The following PPP4R2 variants were observed in gnomAD, a reference collection of about 807,000 sequenced individuals.
PPP4R2 encodes serine/threonine-protein phosphatase 4 regulatory subunit 2.
Under a neutral mutation model 47.2 loss-of-function variants are expected in PPP4R2, and 13 were observed. The ratio of observed to expected loss-of-function variants is 0.28; its 90% confidence interval spans 0.18 to 0.44. PPP4R2 has a LOEUF of 0.44. Ranked by LOEUF, PPP4R2 falls within the 20% of genes least tolerant of loss-of-function variation. The pLI, the probability that PPP4R2 is intolerant of heterozygous loss-of-function variation, is 1.00. For synonymous variants in PPP4R2, 151 were observed against 163.3 expected (o/e 0.92, Z 0.57); for missense variants, 421 against 491.2 (o/e 0.86, Z 1.35).
intron 5 of PPP4R2, chr3:73,062,836 T>G: frequency 6.2e-7 from 1 of 1,613,882 alleles, no homozygotes; most frequent in Non-Finnish European, 8.5e-7. Flanking sequence ...GTTGGAGAAT[T>G]AATGTTCACA....
At chr3:73,016,920 G>A (rs545057203) in intron 2 of PPP4R2, among the ~76,000 whole-genome samples, 3 of 148,952 alleles carry the variant, frequency 2.0e-5, no homozygotes, top group African/African-American at 5.0e-5. Context: ...TCCACCTCCC[G>A]GGTTCAAGAG....
At chr3:73,020,087 G>C (rs957874113) in intron 2 of PPP4R2, among the ~76,000 whole-genome samples, 6 of 152,184 alleles carry the variant, frequency 3.9e-5, no homozygotes. Flanking sequence ...CATTGACTTG[G>C]TGACTTAATA....
chr3:73,034,587 C>A (rs995881735), intron 2 of PPP4R2, among the ~76,000 whole-genome samples: 2 of 152,148 alleles, frequency 1.3e-5, no homozygotes, highest in Non-Finnish European at 2.9e-5. Flanking sequence ...GGCTGCAGTG[C>A]AGTGGCACAG....
chr3:73,002,982 C>G (rs908480820), intron 2 of PPP4R2, among the ~76,000 whole-genome samples: 16 of 152,114 alleles, frequency 1.1e-4, no homozygotes, highest in East Asian at 3.9e-4. Flanking sequence ...AATCCTGGTT[C>G]TCTCAAGAAC....
chr3:72,996,908 C>T lies in PPP4R2; in HGVS notation c.-130C>T, dbSNP rs764621405. The stretch of plus-strand genomic sequence containing the variant: ...GCTTCCCCCGGCTCCCTTCGTTTCC[C>T]CCCCCCGGTCGCCTGCGTGCCGGAG... On this transcript the variant is annotated 5_prime_UTR_variant, in exon 1 of 9. Coordinates refer to ENST00000356692, the MANE Select transcript of PPP4R2 (RefSeq NM_174907.4). 11 of 566,232 alleles carry T rather than the reference C, an allele frequency of 1.9e-5. No individual in the cohort carries two copies. Among genetic ancestry groups the T allele is most frequent in the South Asian group, 7.0e-5 (1 of 14,190 alleles). The allele number at this position is 566,232 out of a possible 1,614,324, so 35.1% of individuals were successfully genotyped here. A position where few individuals can be genotyped will look rare whatever the true frequency, so the allele number is the denominator to read the frequency against.
intron 2 of PPP4R2, among the ~76,000 whole-genome samples, chr3:73,023,042 C>G (rs928090443): frequency 1.3e-5 from 2 of 152,020 alleles, no homozygotes; most frequent in African/African-American, 4.8e-5. Flanking sequence ...AAGTTCAGAT[C>G]ATTATGAGGA....
At chr3:73,060,855 T>C (rs1702843643) in intron 4 of PPP4R2, among the ~76,000 whole-genome samples, 168 bp from the exon 5 acceptor site, 1 of 152,152 alleles carries the variant, frequency 6.6e-6, no homozygotes, top group South Asian at 2.1e-4. Context: ...TGTTATTGTT[T>C]TAGTTTTTGC....
chr3:73,062,255 C>T, intron 5 of PPP4R2: 1 of 1,600,132 alleles, frequency 6.2e-7, no homozygotes, highest in Non-Finnish European at 8.5e-7. Context: ...CACAGCCCAG[C>T]AGCCCAGGAG....
chr3:73,049,175 G>A (rs11707894), intron 3 of PPP4R2, among the ~76,000 whole-genome samples: 80,166 of 152,048 alleles, frequency 0.53, 21,493 homozygotes, highest in African/African-American at 0.62. Context: ...AAGATTTACT[G>A]TTGAACTAAA....
rs369720892 is a variant in PPP4R2, at chr3:73,047,363, A to G, written c.287+7A>G. On this transcript the variant is annotated splice_region_variant and intron_variant, in intron 3 of 8. Coordinates refer to ENST00000356692, the MANE Select transcript of PPP4R2 (RefSeq NM_174907.4). The stretch of plus-strand genomic sequence containing the variant: ...TTGTCACTGGATTTAATGGGTATGC[A>G]CTTAATACTGTTTTAAAGATTTAAT... 9 of 1,545,490 alleles carry G rather than the reference A, an allele frequency of 5.8e-6. No individual in the cohort carries two copies. In the African/African-American group the frequency reaches 6.9e-5, roughly 12 times the overall value.
In PPP4R2 at chr3:73,065,019, C is replaced by G; in HGVS notation, c.806C>G (p.Ser269Cys). Residue 269 changes from serine (S) to cysteine (C), a missense_variant, in exon 8 of 9, where the codon TCT becomes TGT. This residue lies in a region of PPP4R2 where 317 missense variants were observed against 287.5 expected (regional missense o/e 1.10). Coordinates refer to ENST00000356692, the MANE Select transcript of PPP4R2 (RefSeq NM_174907.4). ...TASQTTSSEI[S>C]SVMVGETEAS... ...AGTCAAACGACTTCCAGCGAAATTT[C>G]TTCAGTTATGGTAGGAGAAACAGAA... is the stretch of plus-strand genomic sequence containing the variant. The G allele has an allele frequency of 6.2e-7, 1 of 1,613,886 alleles. No individual in the cohort carries two copies. Among genetic ancestry groups the G allele is most frequent in the Non-Finnish European group, 8.5e-7 (1 of 1,179,846 alleles).
chr3:73,042,241 AG>A (rs776556078), intron 2 of PPP4R2, among the ~76,000 whole-genome samples: 14 of 152,074 alleles, frequency 9.2e-5, no homozygotes, highest in Non-Finnish European at 1.6e-4. Flanking sequence ...TTGAAAGCCA[AG>A]GGTTTTTTTG....
chr3:73,021,870 GTGTGTGTGTGTA>G (rs1253626015), intron 2 of PPP4R2, among the ~76,000 whole-genome samples: 8 of 137,328 alleles, frequency 5.8e-5, no homozygotes, highest in Non-Finnish European at 7.8e-5. Flanking sequence ...GTGTGTGTGT[GTGTGTGTGTGTA>G]TATATGCATA....
chr3:73,052,722 T>C (rs547331540), intron 3 of PPP4R2, among the ~76,000 whole-genome samples: 28 of 152,322 alleles, frequency 1.8e-4, no homozygotes, highest in Middle Eastern at 3.4e-3. Flanking sequence ...CCCTTTCTTG[T>C]CATTGCTGTT....
At chr3:73,025,869 G>T (rs1702053632) in intron 2 of PPP4R2, among the ~76,000 whole-genome samples, 1 of 152,160 alleles carries the variant, frequency 6.6e-6, no homozygotes. Context: ...GATGATTATG[G>T]TATTTAAGCT....
Position 73,067,702 on chromosome 3 carries a change from A to G in PPP4R2, c.*1980A>G, listed in dbSNP as rs1703029714. On this transcript the variant is annotated 3_prime_UTR_variant, in exon 9 of 9. Transcript: ENST00000356692. ...TATTTTTTATTTTAATTGTAGTGCC[A>G]TGGACCATTTGTAAACAAATTGATT... 6.6e-6 allele frequency: 1 copy of G among 152,180 alleles called. No homozygotes were observed. Among genetic ancestry groups the G allele is most frequent in the Admixed American group, 6.5e-5 (1 of 15,270 alleles). 9.4% of individuals were successfully genotyped at this position (152,180 alleles called of 1,614,324 possible).
At chr3:73,060,465 A>G (rs1017270822) in intron 4 of PPP4R2, among the ~76,000 whole-genome samples, 1 of 152,180 alleles carries the variant, frequency 6.6e-6, no homozygotes, top group African/African-American at 2.4e-5. Context: ...AATGTGGTTA[A>G]TAATAGGGCT....
At chr3:73,051,249 T>C (rs1702606369) in intron 3 of PPP4R2, among the ~76,000 whole-genome samples, 1 of 152,208 alleles carries the variant, frequency 6.6e-6, no homozygotes, top group Non-Finnish European at 1.5e-5. Context: ...AGAAATGTAA[T>C]TGCTAGGTTA....
chr3:73,055,325 T>C (rs1031792016), intron 3 of PPP4R2, among the ~76,000 whole-genome samples: 1 of 152,114 alleles, frequency 6.6e-6, no homozygotes, highest in Non-Finnish European at 1.5e-5. Context: ...CTTTGAAGTG[T>C]ACTTGTAGAA....
Sources: allele counts gnomAD v4.1 joint callset (sites outside exome capture counted in the v4.1 genomes callset), GRCh38; gene constraint gnomAD v4.1.1; regional missense constraint gnomAD v4.1.1; transcripts MANE v1.5; gene names NCBI Gene and HGNC (gene_info 2026-07-23, HGNC 2026-07-21).